Variants in ZSWIM2 observed in about 807,000 individuals in gnomAD.
The protein encoded by ZSWIM2 is E3 ubiquitin-protein ligase ZSWIM2.
In ZSWIM2, 38 loss-of-function variants were observed where a neutral mutation model predicts 48.4. The ratio of observed to expected loss-of-function variants is 0.79; its 90% confidence interval spans 0.61 to 1.03. The LOEUF is 1.03. ZSWIM2 is among the 50% of genes least tolerant of loss of function. The pLI, the probability that ZSWIM2 is intolerant of heterozygous loss-of-function variation, is 0.00. For missense variants in ZSWIM2, 776 were observed against 730.2 expected (o/e 1.06, Z -0.72); for synonymous variants, 240 against 251.3 (o/e 0.96, Z 0.42).
intron 6 of ZSWIM2, 128 bp from the exon 7 acceptor site, chr2:186,833,360 T>C: frequency 2.1e-6 from 1 of 483,362 alleles, no homozygotes; most frequent in Non-Finnish European, 3.6e-6. Context: ...ATATTATTTT[T>C]CAACATGTTA....
chr2:186,840,487 T>C (rs2105820675), intron 3 of ZSWIM2, among the ~76,000 whole-genome samples: 1 of 151,772 alleles, frequency 6.6e-6, no homozygotes, highest in African/African-American at 2.4e-5. Flanking sequence ...CACAATGTGT[T>C]GTACAAGTAA....
At chr2:186,834,224 GTAT>G (rs1165521629) in intron 5 of ZSWIM2, among the ~76,000 whole-genome samples, 194 bp from the exon 6 acceptor site, 1 of 152,144 alleles carries the variant, frequency 6.6e-6, no homozygotes, top group Non-Finnish European at 1.5e-5. Context: ...CTGCACAAAT[GTAT>G]TATCTTACAG....
At position 186,834,003 on chromosome 2, in the gene ZSWIM2, T is replaced by A. The variant is rs1691748995; in HGVS notation, c.771A>T (p.Leu257Phe). The change falls in exon 6 of 9, where the codon TTA becomes TTT. Residue 257 changes from leucine (L) to phenylalanine (F), a missense_variant. Leu to Phe is a conservative substitution (Grantham distance 22). Coordinates refer to ENST00000295131, the MANE Select transcript of ZSWIM2 (RefSeq NM_182521.3). The part of the protein sequence containing the change: ...YKCTECIEYH[L>F]CQECFDSCCH... The stretch of plus-strand genomic sequence containing the variant: ...AGCAGCTATCAAAACATTCCTGGCA[T>A]AAGTGATATTCTATGCATTCGGTAC... 6.2e-7 allele frequency: 1 copy of A among 1,612,952 alleles called. No homozygotes were observed. The highest frequency in any genetic ancestry group is 1.1e-5 in the South Asian group (1 of 91,062).
chr2:186,849,038 G>C lies in ZSWIM2; in HGVS notation c.93C>G (p.Ile31Met). 2 of 1,614,182 alleles carry C rather than the reference G, an allele frequency of 1.2e-6. No homozygotes were observed. Among genetic ancestry groups the C allele is most frequent in the Non-Finnish European group, 1.7e-6 (2 of 1,180,030 alleles). The change falls in exon 1 of 9, where the codon ATC becomes ATG. Residue 31 changes from isoleucine (I) to methionine (M), a missense_variant. Ile to Met is a conservative substitution (Grantham distance 10). Transcript: ENST00000295131. The part of the protein sequence containing the change: ...WHQDQALSSS[I>M]YLLREMGPTG... ...TGGGGCCCATCTCTCGTAGGAGGTA[G>C]ATGCTGCTACTCAGCGCCTGGTCTT...
intron 3 of ZSWIM2, among the ~76,000 whole-genome samples, chr2:186,843,855 T>C (rs1208322841): frequency 1.3e-5 from 2 of 151,602 alleles, no homozygotes; most frequent in African/African-American, 4.8e-5. Flanking sequence ...AGAAAATCCC[T>C]GTGAAACACT....
chr2:186,845,609 A>G lies in ZSWIM2; in HGVS notation c.243-852T>C, dbSNP rs116534443. ...CACTAGAAATGGGAAAGTAAGTCATAATCTTTTCTTAATTTCTTATTTTTT... is the reference window on the plus strand; with the variant it reads ...CACTAGAAATGGGAAAGTAAGTCATGATCTTTTCTTAATTTCTTATTTTTT... On this transcript the variant is annotated intron_variant, in intron 2 of 8. Transcript: ENST00000295131. 8.1e-3 allele frequency among the ~76,000 whole-genome samples: 1,222 copies of G among 151,574 alleles called. 18 individuals are homozygous for G. The highest frequency in any genetic ancestry group is 0.027 in the African/African-American group (1,130 of 41,518).
At chr2:186,834,146 A>G in intron 5 of ZSWIM2, 116 bp from the exon 6 acceptor site, 1 of 693,802 alleles carries the variant, frequency 1.4e-6, no homozygotes, top group Non-Finnish European at 2.5e-6. Context: ...GACAAGGTTC[A>G]CCTCAAGTCA....
chr2:186,839,055 T>A lies in ZSWIM2; in HGVS notation c.398A>T (p.Asp133Val), dbSNP rs144251004. The A allele has an allele frequency of 1.2e-5, 20 of 1,611,884 alleles. No homozygotes were observed. In the Admixed American group the frequency reaches 1.5e-4, roughly 12 times the overall value. ...AATTTCCTTCTGTTTAATGTACCCA[T>A]CTTCTTCAACATGTTCATTTTCGTC... is the stretch of plus-strand genomic sequence containing the variant. ...TNDENEHVEE[D>V]GYIKQKEIDS... Residue 133 changes from aspartate (D) to valine (V), a missense_variant, in exon 4 of 9, where the codon GAT (aspartate) becomes GTT (valine). Physicochemically the swap from Asp to Val is radical, Grantham distance 152 (BLOSUM62 -3). Coordinates refer to ENST00000295131, the MANE Select transcript of ZSWIM2 (RefSeq NM_182521.3).
At position 186,839,054 on chromosome 2, in the gene ZSWIM2, A is replaced by G. The variant is rs1166573541; in HGVS notation, c.399T>C (p.Asp133=). Residue 133 remains aspartate (D), a synonymous_variant, in exon 4 of 9, where the codon GAT becomes GAC. Transcript: ENST00000295131. ...TNDENEHVEE[D]GYIKQKEIDS... ...CAATTTCCTTCTGTTTAATGTACCCATCTTCTTCAACATGTTCATTTTCGT... is the reference window on the plus strand; with the variant it reads ...CAATTTCCTTCTGTTTAATGTACCCGTCTTCTTCAACATGTTCATTTTCGT... The G allele has an allele frequency of 2.5e-6, 4 of 1,611,744 alleles. No homozygotes were observed. The highest frequency in any genetic ancestry group is 1.7e-5 in the Admixed American group (1 of 59,846).
In ZSWIM2 at chr2:186,828,480, T is replaced by G; in HGVS notation, c.1406A>C (p.Asn469Thr). The change falls in exon 9 of 9, where the codon AAT becomes ACT. Residue 469 changes from asparagine (N) to threonine (T), a missense_variant. Transcript: ENST00000295131. Reference sequence around the variant, plus strand: ...ATTATCTAATTTGATAGAGCATAGATTATCTATTGTTGTATTTTCATAGGC... The same window carrying G: ...ATTATCTAATTTGATAGAGCATAGAGTATCTATTGTTGTATTTTCATAGGC... ...KDAYENTTIDNLCSIKLDNSN... is the reference protein window; with the variant it reads ...KDAYENTTIDTLCSIKLDNSN... 6.2e-7 allele frequency: 1 copy of G among 1,613,452 alleles called. No individual in the cohort carries two copies. The highest frequency in any genetic ancestry group is 8.5e-7 in the Non-Finnish European group (1 of 1,179,678).
chr2:186,833,865 A>G, intron 6 of ZSWIM2, 81 bp downstream of exon 6: 1 of 1,127,132 alleles, frequency 8.9e-7, no homozygotes, highest in Non-Finnish European at 1.3e-6. Flanking sequence ...AGTGTTATGT[A>G]TTCTTCTTAT....
Position 186,849,033 on chromosome 2 carries a change from A to C in ZSWIM2, c.98T>G (p.Leu33Arg), listed in dbSNP as rs762308987. Residue 33 changes from leucine to arginine, a missense_variant, in exon 1 of 9, where the codon CTC becomes CGC. Leu to Arg is a moderately radical substitution (Grantham distance 102). Transcript: ENST00000295131. ...GCCAGTGGGGCCCATCTCTCGTAGG[A>C]GGTAGATGCTGCTACTCAGCGCCTG... ...QDQALSSSIY[L>R]LREMGPTGFL... The C allele has an allele frequency of 5.9e-5, 95 of 1,614,004 alleles. No individual in the cohort carries two copies. The highest frequency in any genetic ancestry group is 1.3e-4 in the Admixed American group (8 of 60,002).
rs984484964 is a variant in ZSWIM2, at chr2:186,828,861, CCA to C, written c.1096-73_1096-72del. On this transcript the variant is annotated intron_variant, in intron 8 of 8. Transcript: ENST00000295131. ...ATAATATTATTCAAGTAAATTTCCC[CCA>C]GTTTCATAATTTTATGATTAAAAAT... 3.3e-5 allele frequency: 30 copies of C among 910,750 alleles called. No individual in the cohort carries two copies. The African/African-American group carries it at 4.5e-4, about 14-fold the overall frequency. 56.4% of individuals were successfully genotyped at this position (910,750 alleles called of 1,614,324 possible).
At chr2:186,844,163 C>A (rs1691955216) in intron 3 of ZSWIM2, among the ~76,000 whole-genome samples, 1 of 151,406 alleles carries the variant, frequency 6.6e-6, no homozygotes, top group Non-Finnish European at 1.5e-5. Flanking sequence ...ACCTGTATTG[C>A]AATTATTTTT....
At chr2:186,831,500 C>T (rs545899799) in intron 7 of ZSWIM2, among the ~76,000 whole-genome samples, 2 of 151,782 alleles carry the variant, frequency 1.3e-5, no homozygotes, top group South Asian at 2.1e-4. Context: ...CTTAAAAAGT[C>T]GTGACCCAGC....
intron 7 of ZSWIM2, among the ~76,000 whole-genome samples, chr2:186,830,655 A>T (rs10202588): frequency 1.3e-5 from 2 of 151,712 alleles, no homozygotes; most frequent in Non-Finnish European, 1.5e-5. Flanking sequence ...ATTTGTTTTC[A>T]TCTGGGGTAT....
intron 5 of ZSWIM2, among the ~76,000 whole-genome samples, chr2:186,834,373 A>T (rs180876946): frequency 2.0e-5 from 3 of 152,040 alleles, no homozygotes; most frequent in Non-Finnish European, 4.4e-5. Context: ...GGGGTCCCCA[A>T]CCCCAGGCGC....
chr2:186,835,196 A>G (rs1374257674), intron 5 of ZSWIM2, among the ~76,000 whole-genome samples: 1 of 152,146 alleles, frequency 6.6e-6, no homozygotes, highest in Non-Finnish European at 1.5e-5. Flanking sequence ...GAAAAAGGTA[A>G]ACATATAAAA....
chr2:186,843,480 A>G (rs1691944527), intron 3 of ZSWIM2, among the ~76,000 whole-genome samples: 1 of 151,596 alleles, frequency 6.6e-6, no homozygotes, highest in Admixed American at 6.6e-5. Flanking sequence ...AAAGGTAAGA[A>G]TGAGTATGGA....
Sources: allele counts gnomAD v4.1 joint callset (sites outside exome capture counted in the v4.1 genomes callset), GRCh38; gene constraint gnomAD v4.1.1; transcripts MANE v1.5; gene names NCBI Gene and HGNC (gene_info 2026-07-23, HGNC 2026-07-21).